Variants in FER observed in about 807,000 individuals in gnomAD.
FER encodes the protein FER tyrosine kinase.
Under a neutral mutation model 111.0 loss-of-function variants are expected in FER, and 63 were observed. That is an observed-to-expected ratio of 0.57 (90% CI 0.46 to 0.70). FER has a LOEUF of 0.70. Ranked by LOEUF, FER falls within the 30% of genes least tolerant of loss-of-function variation. The pLI is 0.00. For missense variants in FER, 914 were observed against 954.0 expected (o/e 0.96, Z 0.55); for synonymous variants, 327 against 313.9 (o/e 1.04, Z -0.44).
At chr5:109,011,814 A>G (rs551103608) in intron 13 of FER, among the ~76,000 whole-genome samples, 7 of 152,210 alleles carry the variant, frequency 4.6e-5, no homozygotes, top group Non-Finnish European at 8.8e-5. Flanking sequence ...AAGACCTCCA[A>G]AACAATAGCG....
At chr5:108,953,198 A>G (rs1940577749) in intron 11 of FER, among the ~76,000 whole-genome samples, 1 of 151,926 alleles carries the variant, frequency 6.6e-6, no homozygotes, top group African/African-American at 2.4e-5. Flanking sequence ...TTTTGTGTAG[A>G]TTATGCGTTT....
intron 2 of FER, among the ~76,000 whole-genome samples, chr5:108,769,648 T>TC (rs1259728965): frequency 6.6e-6 from 1 of 152,084 alleles, no homozygotes; most frequent in Non-Finnish European, 1.5e-5. Context: ...TGTGTTTTTT[T>TC]TAGACAGAAC....
intron 13 of FER, among the ~76,000 whole-genome samples, chr5:108,984,779 G>T (rs1449210175): frequency 6.6e-6 from 1 of 151,968 alleles, no homozygotes; most frequent in Non-Finnish European, 1.5e-5. Flanking sequence ...TCAATCCGTG[G>T]TGGTGAGATA....
At chr5:108,799,179 T>G (rs911364318) in intron 3 of FER, among the ~76,000 whole-genome samples, 1 of 152,246 alleles carries the variant, frequency 6.6e-6, no homozygotes. Flanking sequence ...ATAATGTATT[T>G]TTTAAATCCA....
chr5:108,835,871 C>T, intron 5 of FER, 64 bp downstream of exon 5: 1 of 896,988 alleles, frequency 1.1e-6, no homozygotes, highest in Admixed American at 2.9e-5. Flanking sequence ...TGAAAGTTAT[C>T]TTTGTAAGTA....
At chr5:108,804,798 T>G (rs1757026672) in intron 3 of FER, among the ~76,000 whole-genome samples, 1 of 152,100 alleles carries the variant, frequency 6.6e-6, no homozygotes, top group African/African-American at 2.4e-5. Context: ...GACCTGCAGT[T>G]TTCTGCTTTT....
chr5:108,920,258 T>C (rs1489953730), intron 10 of FER, among the ~76,000 whole-genome samples: 1 of 152,124 alleles, frequency 6.6e-6, no homozygotes, highest in African/African-American at 2.4e-5. Flanking sequence ...TAATCCTACC[T>C]ACCAAAAGTT....
At position 108,877,327 on chromosome 5, in the gene FER, A is replaced by C. The variant is rs536744947; in HGVS notation, c.923+5115A>C. Among the ~76,000 whole-genome samples, 5 of 152,328 alleles carry C rather than the reference A, an allele frequency of 3.3e-5. No individual in the cohort carries two copies. The South Asian group carries it at 8.3e-4, about 25-fold the overall frequency. Reference sequence around the variant, plus strand: ...AGATTTGGAAAAATGTAAAATATTGAAGTCAGGTGACATGTCGGAAGGACC... The same window carrying C: ...AGATTTGGAAAAATGTAAAATATTGCAGTCAGGTGACATGTCGGAAGGACC... On this transcript the variant is annotated intron_variant, in intron 8 of 19. Coordinates refer to ENST00000281092, the MANE Select transcript of FER (RefSeq NM_005246.4).
At chr5:108,892,928 C>A (rs1748376037) in intron 9 of FER, among the ~76,000 whole-genome samples, 1 of 152,154 alleles carries the variant, frequency 6.6e-6, no homozygotes, top group Non-Finnish European at 1.5e-5. Flanking sequence ...ATAGGGAATC[C>A]TTTCCCCAGT....
At chr5:108,854,962 A>AT (rs1389491659) in intron 5 of FER, among the ~76,000 whole-genome samples, 4 of 151,136 alleles carry the variant, frequency 2.6e-5, no homozygotes. Context: ...AAAAAAAAAA[A>AT]AAAAAAAAAA....
chr5:108,914,796 G>A (rs925472199), intron 10 of FER, among the ~76,000 whole-genome samples: 1 of 152,198 alleles, frequency 6.6e-6, no homozygotes, highest in African/African-American at 2.4e-5. Flanking sequence ...ACAAATTTGT[G>A]TAAGCCTAGC....
intron 13 of FER, 66 bp from the exon 14 acceptor site, chr5:109,037,356 T>C: frequency 7.2e-7 from 1 of 1,392,946 alleles, no homozygotes; most frequent in Non-Finnish European, 1.0e-6. Context: ...TTCCACTGGC[T>C]CAAATGCAAC....
At chr5:109,130,425 A>G (rs564780977) in intron 17 of FER, among the ~76,000 whole-genome samples, 51 of 152,176 alleles carry the variant, frequency 3.4e-4, no homozygotes, top group African/African-American at 1.2e-3. Flanking sequence ...TGTACTTCCT[A>G]TTGGCCTTGT....
intron 13 of FER, among the ~76,000 whole-genome samples, chr5:109,033,496 C>G (rs1409196463): frequency 6.6e-6 from 1 of 152,186 alleles, no homozygotes; most frequent in Non-Finnish European, 1.5e-5. Context: ...CATTCTCCAA[C>G]TCTGCGTTAC....
chr5:108,883,388 T>C lies in FER; in HGVS notation c.924-8T>C, dbSNP rs1161559515. On this transcript the variant is annotated splice_polypyrimidine_tract_variant and splice_region_variant and intron_variant, in intron 8 of 19. Transcript: ENST00000281092. ...GTTGGTTGTTATTGAGGATACTGTT[T>C]ATTCTAGGTTGAAAACGTTAGCGGA... 6.3e-7 allele frequency: 1 copy of C among 1,595,404 alleles called. No homozygotes were observed. The highest frequency in any genetic ancestry group is 1.1e-5 in the South Asian group (1 of 87,640).
rs2126908769 is a variant in FER at position 109,192,281 on chromosome 5, A to AAAATT, written c.*4710_*4714dup. On this transcript the variant is annotated 3_prime_UTR_variant, in exon 20 of 20. Transcript: ENST00000281092. ...GATGCACCCCCACACAGAGTGTGGA[A>AAAATT]AAATTAAAGTGAAACAAAGATTTGG... The AAAATT allele has an allele frequency of 1.3e-5, 2 of 152,326 alleles. No homozygotes were observed. The highest frequency in any genetic ancestry group is 1.3e-4 in the Admixed American group (2 of 15,286). 9.4% of individuals were successfully genotyped at this position (152,326 alleles called of 1,614,324 possible). A position where few individuals can be genotyped will look rare whatever the true frequency, so the allele number is the denominator to read the frequency against.
intron 16 of FER, among the ~76,000 whole-genome samples, chr5:109,100,146 T>G (rs1382923046): frequency 6.6e-6 from 1 of 151,756 alleles, no homozygotes; most frequent in Non-Finnish European, 1.5e-5. Flanking sequence ...TATTATGACC[T>G]GGATAATGTA....
intron 13 of FER, among the ~76,000 whole-genome samples, chr5:109,032,586 G>C (rs991160075): frequency 1.3e-5 from 2 of 152,132 alleles, no homozygotes; most frequent in African/African-American, 4.8e-5. Flanking sequence ...AGATTCAGTA[G>C]CATCAGCCAA....
At chr5:108,902,467 T>C (rs936350135) in intron 10 of FER, among the ~76,000 whole-genome samples, 2 of 152,200 alleles carry the variant, frequency 1.3e-5, no homozygotes, top group South Asian at 4.1e-4. Flanking sequence ...TTGAGTCATG[T>C]TGGGTGAAGC....
Sources: allele counts gnomAD v4.1 joint callset (sites outside exome capture counted in the v4.1 genomes callset), GRCh38; gene constraint gnomAD v4.1.1; transcripts MANE v1.5; gene names NCBI Gene and HGNC (gene_info 2026-07-23, HGNC 2026-07-21).